BCAS3: variants seen among roughly 807,000 people sequenced by gnomAD.
The protein encoded by BCAS3 is BCAS4/BCAS3 fusion.
Under a neutral mutation model 116.1 loss-of-function variants are expected in BCAS3, and 53 were observed. The observed-to-expected ratio is 0.46, with a 90% CI of 0.37 to 0.57. The LOEUF is 0.57. BCAS3 is among the 20% of genes least tolerant of loss of function. The pLI, the probability that BCAS3 is intolerant of heterozygous loss-of-function variation, is 0.00. For missense variants in BCAS3, 917 were observed against 1,165.4 expected, an observed-to-expected ratio of 0.79 and a Z score of 3.10; for synonymous variants, 391 against 408.2, an observed-to-expected ratio of 0.96 and a Z score of 0.51.
intron 12 of BCAS3, among the ~76,000 whole-genome samples, chr17:60,920,874 AACAACAACAACAAC>A (rs2059040423): frequency 5.9e-4 from 4 of 6,748 alleles, no homozygotes; most frequent in African/African-American, 2.0e-3. Context: ...CATCGCAAAC[AACAACAACAACAAC>A]AACAACAACA....
rs140394963 is a variant in BCAS3, at chr17:61,350,507, C to T, written c.2426-17820C>T. On this transcript the variant is annotated intron_variant, in intron 22 of 23. Coordinates refer to ENST00000407086, the MANE Select transcript of BCAS3 (RefSeq NM_017679.5). ...CCCAAAGGGACTTAAATCATCACTT[C>T]ATAAAGATACCTGTGTGTCCATGCT... 1.1e-4 allele frequency among the ~76,000 whole-genome samples: 17 copies of T among 152,110 alleles called. No individual in the cohort carries two copies. The East Asian group carries it at 3.3e-3, about 29-fold the overall frequency.
In BCAS3 at chr17:61,258,173, C is replaced by T. The variant is rs964676511; in HGVS notation, c.2426-110154C>T. Among the ~76,000 whole-genome samples, 1 of 152,216 alleles carries T rather than the reference C, an allele frequency of 6.6e-6. No individual in the cohort carries two copies. Among genetic ancestry groups the T allele is most frequent in the Admixed American group, 6.5e-5 (1 of 15,282 alleles). ...TTGCAACCTTTCTGATTATTCCAGT[C>T]AAAAATTGTCTTCTTTTCTCTGAAT... On this transcript the variant is annotated intron_variant, in intron 22 of 23. Transcript: ENST00000407086. The surrounding 1 kb of genome is among the most constrained non-coding windows in gnomAD (Gnocchi z 4.7).
At chr17:60,937,065 G>C (rs555099976) in intron 13 of BCAS3, among the ~76,000 whole-genome samples, 41 of 152,210 alleles carry the variant, frequency 2.7e-4, no homozygotes, top group African/African-American at 9.6e-4. Context: ...TCCAGTTTCA[G>C]CTTTCTACAT....
chr17:60,940,815 C>T (rs2060184372), intron 13 of BCAS3, among the ~76,000 whole-genome samples: 1 of 152,180 alleles, frequency 6.6e-6, no homozygotes, highest in South Asian at 2.1e-4. Flanking sequence ...AGTTTGTCTT[C>T]TAGTTCACAT....
intron 22 of BCAS3, among the ~76,000 whole-genome samples, chr17:61,287,895 T>A (rs1413903249): frequency 2.0e-5 from 3 of 152,240 alleles, no homozygotes; most frequent in Non-Finnish European, 4.4e-5. Context: ...TCTCATGTAA[T>A]AGTCACAGCA....
chr17:61,253,857 TG>T (rs889564713), intron 22 of BCAS3, among the ~76,000 whole-genome samples: 5 of 152,072 alleles, frequency 3.3e-5, no homozygotes, highest in African/African-American at 1.2e-4. Context: ...ACGGTTTACA[TG>T]GGGGAAAACT....
chr17:61,078,301 C>A, intron 20 of BCAS3, 32 bp from the exon 21 acceptor site: 2 of 1,558,014 alleles, frequency 1.3e-6, no homozygotes, highest in Non-Finnish European at 8.8e-7. Flanking sequence ...GGATCACAAA[C>A]CATTTAAATC....
chr17:61,277,200 T>C (rs75380888), intron 22 of BCAS3, among the ~76,000 whole-genome samples: 3,652 of 149,664 alleles, frequency 0.024, 79 homozygotes, highest in Non-Finnish European at 0.037. Context: ...GAGTTCAAGG[T>C]TGCAGTGAGC....
chr17:61,083,074 G>A lies in BCAS3; in HGVS notation c.2328-1393G>A, dbSNP rs935941817. Among the ~76,000 whole-genome samples the A allele has an allele frequency of 5.3e-5, 8 of 152,038 alleles. No individual in the cohort carries two copies. Among genetic ancestry groups the A allele is most frequent in the Middle Eastern group, 3.2e-3 (1 of 316 alleles). On this transcript the variant is annotated intron_variant, in intron 21 of 23. Coordinates refer to ENST00000407086, the MANE Select transcript of BCAS3 (RefSeq NM_017679.5). The surrounding 1 kb of genome is among the most constrained non-coding windows in gnomAD (Gnocchi z 4.9). ...CACTTCAAGATGCCCTGAATCTATC[G>A]TATTCAGTCACTAATCTAAGTTTCT...
rs368652753 is a variant in BCAS3, at chr17:60,934,367, T to C, written c.1087+9867T>C. On this transcript the variant is annotated intron_variant, in intron 13 of 23. Coordinates refer to ENST00000407086, the MANE Select transcript of BCAS3 (RefSeq NM_017679.5). ...CTCATGGAATATGTGAATGCATACA[T>C]TGGGATACTATGTAAAAATGTGAAA... Among the ~76,000 whole-genome samples the C allele has an allele frequency of 6.1e-4, 93 of 152,332 alleles. 1 individual carries two copies. In the East Asian group the frequency reaches 8.9e-3, roughly 15 times the overall value.
chr17:60,741,841 G>GT (rs1359718740), intron 5 of BCAS3, among the ~76,000 whole-genome samples: 2 of 152,124 alleles, frequency 1.3e-5, no homozygotes. Context: ...TACAGAAGTA[G>GT]TTACTCTACT....
At chr17:60,977,655 C>T (rs551893001) in intron 14 of BCAS3, among the ~76,000 whole-genome samples, 1 of 148,120 alleles carries the variant, frequency 6.8e-6, no homozygotes, top group African/African-American at 2.6e-5. Flanking sequence ...CACCCCGCTC[C>T]CCCCACCCCA....
At chr17:60,684,453 T>A (rs1291216530) in intron 3 of BCAS3, among the ~76,000 whole-genome samples, 1 of 152,158 alleles carries the variant, frequency 6.6e-6, no homozygotes, top group Non-Finnish European at 1.5e-5. Context: ...GCAGCATTTT[T>A]ATGCCAACTA....
Position 61,235,470 on chromosome 17 carries a change from C to T in BCAS3, c.2426-132857C>T, listed in dbSNP as rs1382727629. Among the ~76,000 whole-genome samples, 1 of 152,112 alleles carries T rather than the reference C, an allele frequency of 6.6e-6. No homozygotes were observed. The highest frequency in any genetic ancestry group is 2.4e-5 in the African/African-American group (1 of 41,422). ...TTGTTTAGCAGGTAGAGTTATTATT[C>T]TCTTATGTTCAAATTTATTAACAAG... On this transcript the variant is annotated intron_variant, in intron 22 of 23. Coordinates refer to ENST00000407086, the MANE Select transcript of BCAS3 (RefSeq NM_017679.5). The surrounding 1 kb of genome is among the most constrained non-coding windows in gnomAD (Gnocchi z 5.0).
At chr17:60,891,813 C>T (rs9303431) in intron 10 of BCAS3, 1 of 450,106 alleles carries the variant, frequency 2.2e-6, no homozygotes, top group South Asian at 1.6e-5. Flanking sequence ...CTTCCCTCCC[C>T]CTTTTGGAGT....
At position 61,141,277 on chromosome 17, in the gene BCAS3, GCTGGGCATGGGGGTTCATTC is replaced by G. The variant is rs2076902333; in HGVS notation, c.2425+56717_2425+56736del. 6.6e-6 allele frequency among the ~76,000 whole-genome samples: 1 copy of G among 152,162 alleles called. No homozygotes were observed. Among genetic ancestry groups the G allele is most frequent in the African/African-American group, 2.4e-5 (1 of 41,430 alleles). On this transcript the variant is annotated intron_variant, in intron 22 of 23. Coordinates refer to ENST00000407086, the MANE Select transcript of BCAS3 (RefSeq NM_017679.5). This position sits in a 1 kb window ranked among gnomAD's most constrained non-coding sequence, Gnocchi z 4.3. ...AACAATTATAAAGAAGTTAAATTAGGCTGGGCATGGGGGTTCATTCCTGTAATCCCAGCATGTTGGGAGGC... is the reference window on the plus strand; with the variant it reads ...AACAATTATAAAGAAGTTAAATTAGGCTGTAATCCCAGCATGTTGGGAGGC...
chr17:61,392,159 C>T lies in BCAS3; in HGVS notation c.*34C>T. On this transcript the variant is annotated 3_prime_UTR_variant, in exon 24 of 24. Transcript: ENST00000407086. The surrounding 1 kb of genome is among the most constrained non-coding windows in gnomAD (Gnocchi z 6.4). ...AACCTGCTTCTGACTGGCCAGCCCC[C>T]TCCCCTGCTGGAGGAGGGGAGAAGC... 3 of 1,603,322 alleles carry T rather than the reference C, an allele frequency of 1.9e-6. No homozygotes were observed. Among genetic ancestry groups the T allele is most frequent in the African/African-American group, 1.3e-5 (1 of 74,692 alleles).
At chr17:61,060,430 C>T (rs1311236912) in intron 19 of BCAS3, among the ~76,000 whole-genome samples, 1 of 152,046 alleles carries the variant, frequency 6.6e-6, no homozygotes, top group Non-Finnish European at 1.5e-5. Context: ...CCACTGCGCC[C>T]GGCCACCAGA....
chr17:61,382,987 C>T (rs988132012), intron 23 of BCAS3: 19 of 152,484 alleles, frequency 1.2e-4, no homozygotes, highest in African/African-American at 4.3e-4. Flanking sequence ...CTGTCCAGAG[C>T]CCTTCCAGGC....
Sources: allele counts gnomAD v4.1 joint callset (sites outside exome capture counted in the v4.1 genomes callset), GRCh38; gene constraint gnomAD v4.1.1; non-coding constraint Gnocchi (gnomAD v3.1); transcripts MANE v1.5; gene names NCBI Gene and HGNC (gene_info 2026-07-23, HGNC 2026-07-21).